The following ARHGEF10L variants were observed in gnomAD, a reference collection of about 807,000 sequenced individuals.
ARHGEF10L encodes the protein rho guanine nucleotide exchange factor 10-like protein.
ARHGEF10L carries 69 observed loss-of-function variants against 141.2 expected under a neutral mutation model. The ratio of observed to expected loss-of-function variants is 0.49; its 90% CI spans 0.40 to 0.60. The LOEUF (loss-of-function observed/expected upper bound fraction) is 0.60. ARHGEF10L is among the 20% of genes least tolerant of loss of function. The pLI is 0.00. For missense variants in ARHGEF10L, 1,482 were observed against 1,734.3 expected (o/e 0.85, Z 2.58); for synonymous variants, 711 against 718.5 (o/e 0.99, Z 0.17).
chr1:17,598,306 T>C (rs575291858), intron 4 of ARHGEF10L, among the ~76,000 whole-genome samples: 1 of 152,320 alleles, frequency 6.6e-6, no homozygotes, highest in South Asian at 2.1e-4. Context: ...TTCACCATAT[T>C]GGCCAGGCTG....
At chr1:17,635,114 C>T in intron 18 of ARHGEF10L, 98 bp downstream of exon 18, 1 of 1,459,846 alleles carries the variant, frequency 6.9e-7, no homozygotes, top group Non-Finnish European at 9.3e-7. Context: ...TCTTGGGGAC[C>T]CCTACATAGG....
intron 26 of ARHGEF10L, among the ~76,000 whole-genome samples, chr1:17,668,409 T>C (rs113161726): frequency 0.014 from 2,107 of 152,338 alleles, 50 homozygotes; most frequent in Admixed American, 0.062. Flanking sequence ...GGCTCTCACC[T>C]GTTCTTGCCC....
At chr1:17,691,097 A>C (rs1455871904) in intron 27 of ARHGEF10L, 1 of 454,078 alleles carries the variant, frequency 2.2e-6, no homozygotes, top group Non-Finnish European at 4.4e-6. Context: ...TTTTAACCTA[A>C]ACTCCCTCCT....
chr1:17,660,400 G>A (rs1425324122), intron 25 of ARHGEF10L, among the ~76,000 whole-genome samples: 2 of 152,196 alleles, frequency 1.3e-5, no homozygotes, highest in Admixed American at 6.5e-5. Context: ...AAATGGGGGT[G>A]TGGACAGCCC....
At chr1:17,652,668 G>A (rs1367552455) in intron 22 of ARHGEF10L, among the ~76,000 whole-genome samples, 1 of 152,112 alleles carries the variant, frequency 6.6e-6, no homozygotes, top group Non-Finnish European at 1.5e-5. Flanking sequence ...TCCATCCAAG[G>A]GGGAATGCTG....
intron 16 of ARHGEF10L, 40 bp from the exon 17 acceptor site, chr1:17,634,508 G>T: frequency 6.2e-7 from 1 of 1,614,138 alleles, no homozygotes; most frequent in Non-Finnish European, 8.5e-7. Flanking sequence ...CCACTCCATT[G>T]TAATAACAAT....
intron 8 of ARHGEF10L, among the ~76,000 whole-genome samples, chr1:17,614,039 C>T (rs916860996): frequency 6.6e-6 from 1 of 152,214 alleles, no homozygotes; most frequent in Non-Finnish European, 1.5e-5. Context: ...TTGTGGCACT[C>T]TGGGCAGTAG....
rs1351227704 is a variant in ARHGEF10L at position 17,603,292 on chromosome 1, T to G, written c.350-216T>G. Reference sequence around the variant, plus strand: ...AGGGAGCCAGGTGGGGTCTGTGCAGTCACTGGGAGGGCGCCTTGGAGGGGG... The same window carrying G: ...AGGGAGCCAGGTGGGGTCTGTGCAGGCACTGGGAGGGCGCCTTGGAGGGGG... On this transcript the variant is annotated intron_variant, in intron 5 of 28. Coordinates refer to ENST00000361221, the MANE Select transcript of ARHGEF10L (RefSeq NM_018125.4). This position sits in a 1 kb window ranked among gnomAD's most constrained non-coding sequence, Gnocchi z 4.8. 9.8e-6 allele frequency among the ~76,000 whole-genome samples: 1 copy of G among 101,740 alleles called. No individual in the cohort carries two copies. Among genetic ancestry groups the G allele is most frequent in the Non-Finnish European group, 1.8e-5 (1 of 54,704 alleles). 66.7% of individuals were successfully genotyped at this position (101,740 alleles called of 152,430 possible).
At chr1:17,574,001 G>T (rs746114718) in intron 1 of ARHGEF10L, among the ~76,000 whole-genome samples, 6 of 152,140 alleles carry the variant, frequency 3.9e-5, no homozygotes, top group Non-Finnish European at 7.4e-5. Flanking sequence ...CCCCCACCTC[G>T]GGAAGCCCTT....
At chr1:17,526,895 C>A in the ARHGEF10L span, among the ~76,000 whole-genome samples, 1 of 121,392 alleles carries the variant, frequency 8.2e-6, no homozygotes, top group African/African-American at 3.1e-5. Context: ...GAGAGTGAGA[C>A]CCTGTCTCCA....
Position 17,625,846 on chromosome 1 carries a change from G to A in ARHGEF10L, c.1318-110G>A, listed in dbSNP as rs546352476. On this transcript the variant is annotated intron_variant, in intron 13 of 28. Coordinates refer to ENST00000361221, the MANE Select transcript of ARHGEF10L (RefSeq NM_018125.4). This position sits in a 1 kb window ranked among gnomAD's most constrained non-coding sequence, Gnocchi z 4.5. Reference sequence around the variant, plus strand: ...TTCTTGCAAGCCCAGGGATAGGCAGGGTCTTAGGGCCTGGGGAGAGGAGCC... The same window carrying A: ...TTCTTGCAAGCCCAGGGATAGGCAGAGTCTTAGGGCCTGGGGAGAGGAGCC... The A allele has an allele frequency of 1.1e-4, 99 of 872,936 alleles. No homozygotes were observed. The African/African-American group carries it at 1.5e-3, about 13-fold the overall frequency. The allele number at this position is 872,936 out of a possible 1,614,324, so 54.1% of individuals were successfully genotyped here.
At chr1:17,556,353 C>T (rs1294960963) in intron 1 of ARHGEF10L, among the ~76,000 whole-genome samples, 2 of 151,572 alleles carry the variant, frequency 1.3e-5, no homozygotes, top group African/African-American at 4.9e-5. Context: ...TTGGCTCTGT[C>T]ATTCACCCTT....
chr1:17,616,535 C>T (rs546900785), intron 9 of ARHGEF10L, among the ~76,000 whole-genome samples: 23 of 152,358 alleles, frequency 1.5e-4, no homozygotes, highest in African/African-American at 5.5e-4. Context: ...CCTGTTCCCT[C>T]CTTCCTTTAT....
chr1:17,658,441 G>T (rs567953654), intron 25 of ARHGEF10L, among the ~76,000 whole-genome samples: 1 of 152,204 alleles, frequency 6.6e-6, no homozygotes, highest in East Asian at 1.9e-4. Context: ...TTCTGGATGG[G>T]AGCAGACTGT....
At chr1:17,689,261 C>G (rs1251504934) in intron 27 of ARHGEF10L, among the ~76,000 whole-genome samples, 4 of 151,984 alleles carry the variant, frequency 2.6e-5, no homozygotes, top group Non-Finnish European at 5.9e-5. Flanking sequence ...CCCGGAGCCC[C>G]TCATCCCTCT....
intron 21 of ARHGEF10L, among the ~76,000 whole-genome samples, chr1:17,647,367 C>T (rs1373356617): frequency 1.3e-5 from 2 of 152,284 alleles, no homozygotes; most frequent in African/African-American, 4.8e-5. Flanking sequence ...TAGACGGCGG[C>T]GCTCAGTGTG....
rs770491162 is a variant in ARHGEF10L, at chr1:17,627,525, C to T, written c.1584+22C>T. The T allele has an allele frequency of 5.6e-6, 9 of 1,605,736 alleles. No homozygotes were observed. In the South Asian group the frequency reaches 1.0e-4, roughly 18 times the overall value. ...CAAGGTGAGCTGGGCCTCCCACCTG[C>T]CTGCCCTCACCTGCCTGCCCTCACC... On this transcript the variant is annotated intron_variant, in intron 15 of 28. Coordinates refer to ENST00000361221, the MANE Select transcript of ARHGEF10L (RefSeq NM_018125.4). The surrounding 1 kb of genome is among the most constrained non-coding windows in gnomAD (Gnocchi z 4.0).
intron 1 of ARHGEF10L, among the ~76,000 whole-genome samples, chr1:17,542,642 G>T (rs907165049): frequency 1.3e-5 from 2 of 152,142 alleles, no homozygotes; most frequent in Admixed American, 6.6e-5. Flanking sequence ...TAAAGTAAAT[G>T]ATATATATGC....
chr1:17,695,307 A>C, intron 28 of ARHGEF10L, 27 bp downstream of exon 28: 1 of 1,553,222 alleles, frequency 6.4e-7, no homozygotes, highest in Non-Finnish European at 8.7e-7. Context: ...TGGTGTTGGC[A>C]GGACCAGGGG....
Sources: gnomAD v4.1 joint callset for allele counts (sites outside exome capture counted in the v4.1 genomes callset) on GRCh38, gnomAD v4.1.1 for gene constraint, Gnocchi (gnomAD v3.1) non-coding constraint, MANE v1.5 for transcripts, NCBI Gene and HGNC (gene_info 2026-07-23, HGNC 2026-07-21) for gene names.